The following KCTD8 variants were observed in gnomAD, a reference collection of about 807,000 sequenced individuals.
The protein encoded by KCTD8 is potassium channel tetramerization domain containing 8, also known as BTB/POZ domain-containing protein KCTD8.
Under a neutral mutation model 31.5 loss-of-function variants are expected in KCTD8, and 27 were observed. The observed-to-expected ratio is 0.86, with a 90% CI of 0.63 to 1.18. The LOEUF (loss-of-function observed/expected upper bound fraction) is 1.18, where lower values mean the gene tolerates loss of function less well. Ranked by LOEUF, KCTD8 falls within the 50% of genes most tolerant of loss-of-function variation. The pLI is 0.00. For missense variants in KCTD8, 658 were observed against 647.7 expected (o/e 1.02, Z -0.17); for synonymous variants, 290 against 280.0 (o/e 1.04, Z -0.36).
chr4:44,302,438 C>T (rs1300552707), intron 1 of KCTD8, among the ~76,000 whole-genome samples: 1 of 152,036 alleles, frequency 6.6e-6, no homozygotes, highest in South Asian at 2.1e-4. Context: ...CTTCACGTCC[C>T]TTTTAAGTTG....
chr4:44,294,109 T>C (rs1271362802), intron 1 of KCTD8, among the ~76,000 whole-genome samples: 1 of 152,210 alleles, frequency 6.6e-6, no homozygotes, highest in African/African-American at 2.4e-5. Flanking sequence ...GATAATTTAT[T>C]ATGATGAATC....
chr4:44,408,475 A>G (rs1720858405), intron 1 of KCTD8, among the ~76,000 whole-genome samples: 2 of 152,218 alleles, frequency 1.3e-5, no homozygotes, highest in Non-Finnish European at 2.9e-5. Flanking sequence ...AAACCAAAAA[A>G]CAAAAACAAA....
intron 1 of KCTD8, among the ~76,000 whole-genome samples, chr4:44,309,372 G>A (rs1717888812): frequency 6.6e-6 from 1 of 152,168 alleles, no homozygotes; most frequent in South Asian, 2.1e-4. Flanking sequence ...ATAATTAAAA[G>A]CAGGTGTTTG....
chr4:44,334,654 TA>T (rs1453474704), intron 1 of KCTD8, among the ~76,000 whole-genome samples: 3 of 151,776 alleles, frequency 2.0e-5, no homozygotes, highest in Admixed American at 6.6e-5. Context: ...TATAACAATG[TA>T]AAAAAAATCC....
chr4:44,334,843 T>C (rs1393024580), intron 1 of KCTD8, among the ~76,000 whole-genome samples: 1 of 152,130 alleles, frequency 6.6e-6, no homozygotes, highest in East Asian at 1.9e-4. Context: ...GTTTGCTCAA[T>C]TGCTTAATAA....
At chr4:44,301,081 G>T (rs946227110) in intron 1 of KCTD8, among the ~76,000 whole-genome samples, 1 of 151,894 alleles carries the variant, frequency 6.6e-6, no homozygotes, top group African/African-American at 2.4e-5. Flanking sequence ...ATTCCATGGT[G>T]TATATGTGCC....
intron 1 of KCTD8, among the ~76,000 whole-genome samples, chr4:44,445,172 A>C (rs990295806): frequency 3.3e-5 from 5 of 152,234 alleles, no homozygotes; most frequent in Non-Finnish European, 7.3e-5. Context: ...CCAAATATTA[A>C]AATGAATCCC....
chr4:44,256,067 C>T (rs1844631), intron 1 of KCTD8, among the ~76,000 whole-genome samples: 43,671 of 151,444 alleles, frequency 0.29, 6,404 homozygotes, highest in East Asian at 0.37. Context: ...TACATGGTGG[C>T]AGGCAAGAGA....
At chr4:44,443,764 G>GAGAA (rs71188283) in intron 1 of KCTD8, among the ~76,000 whole-genome samples, 127,818 of 151,678 alleles carry the variant, frequency 0.84, 54,089 homozygotes, top group South Asian at 0.9. Flanking sequence ...CACTGATTAT[G>GAGAA]AGAAAGAAAA....
intron 1 of KCTD8, among the ~76,000 whole-genome samples, chr4:44,223,529 T>C (rs181191085): frequency 6.6e-6 from 1 of 152,200 alleles, no homozygotes; most frequent in Admixed American, 6.5e-5. Flanking sequence ...TAAAAACTTA[T>C]CGAATTGGTT....
intron 1 of KCTD8, among the ~76,000 whole-genome samples, chr4:44,176,172 A>C (rs1181330795): frequency 6.6e-6 from 1 of 152,186 alleles, no homozygotes; most frequent in East Asian, 1.9e-4. Context: ...CTCAACTCTT[A>C]TTTTATTTTC....
chr4:44,353,889 T>C (rs995851287), intron 1 of KCTD8, among the ~76,000 whole-genome samples: 14 of 152,162 alleles, frequency 9.2e-5, no homozygotes, highest in African/African-American at 2.7e-4. Context: ...TTCACTGTTA[T>C]GTAAGACAGA....
At chr4:44,270,411 G>A (rs1198249117) in intron 1 of KCTD8, among the ~76,000 whole-genome samples, 2 of 148,110 alleles carry the variant, frequency 1.4e-5, no homozygotes, top group Middle Eastern at 7.0e-3. Context: ...GGAGGGAGGA[G>A]GGATAGCATT....
chr4:44,217,268 G>A (rs1214593305), intron 1 of KCTD8, among the ~76,000 whole-genome samples: 1 of 152,074 alleles, frequency 6.6e-6, no homozygotes, highest in Non-Finnish European at 1.5e-5. Flanking sequence ...TAAGACGCTT[G>A]GGATAAAAAT....
In KCTD8 at chr4:44,448,398, GA is replaced by G; in HGVS notation, c.125del (p.Phe42SerfsTer4). On this transcript the variant is annotated frameshift_variant, in exon 1 of 2. Transcript: ENST00000360029. LOFTEE classifies it high-confidence loss of function. This position sits in a 1 kb window ranked among gnomAD's most constrained non-coding sequence, Gnocchi z 4.1. Reference sequence around the variant, plus strand: ...CTACGTTCAGCTCCACTACTTCAGGGAAGGGCGAGGGTGCGCAGGGCCCCGG... The same window carrying G: ...CTACGTTCAGCTCCACTACTTCAGGGAGGGCGAGGGTGCGCAGGGCCCCGG... ...AAPGPCAPSP[F>X]PEVVELNVGG... 6.3e-7 allele frequency: 1 copy of G among 1,583,918 alleles called. No individual in the cohort carries two copies. Among genetic ancestry groups the G allele is most frequent in the South Asian group, 1.2e-5 (1 of 86,656 alleles).
chr4:44,396,559 T>C (rs1055428113), intron 1 of KCTD8, among the ~76,000 whole-genome samples: 1 of 152,008 alleles, frequency 6.6e-6, no homozygotes, highest in Non-Finnish European at 1.5e-5. Flanking sequence ...CTTTTTCATG[T>C]TTTTTTCTCA....
At chr4:44,188,036 T>A (rs1417254416) in intron 1 of KCTD8, among the ~76,000 whole-genome samples, 1 of 151,916 alleles carries the variant, frequency 6.6e-6, no homozygotes, top group African/African-American at 2.4e-5. Context: ...TCTAACACTC[T>A]TGTGTTGCAG....
At chr4:44,193,961 T>A (rs1713851222) in intron 1 of KCTD8, among the ~76,000 whole-genome samples, 1 of 152,162 alleles carries the variant, frequency 6.6e-6, no homozygotes, top group African/African-American at 2.4e-5. Flanking sequence ...AGAGTGAAAT[T>A]AGGAAAATAG....
intron 1 of KCTD8, among the ~76,000 whole-genome samples, chr4:44,193,921 T>G (rs758718580): frequency 2.0e-5 from 3 of 152,070 alleles, no homozygotes; most frequent in Non-Finnish European, 4.4e-5. Flanking sequence ...AATTATATAT[T>G]TAAAATGTAA....
Sources: allele counts gnomAD v4.1 joint callset (sites outside exome capture counted in the v4.1 genomes callset), GRCh38; gene constraint gnomAD v4.1.1; non-coding constraint Gnocchi (gnomAD v3.1); transcripts MANE v1.5; gene names NCBI Gene and HGNC (gene_info 2026-07-23, HGNC 2026-07-21).